H2BN1: variants seen among roughly 807,000 people sequenced by gnomAD.
H2BN1 encodes the protein H2B.N variant histone 1.
At chr17:32,896,046 C>T in the H2BN1 span, among the ~76,000 whole-genome samples, 101 of 139,378 alleles carry the variant, frequency 7.2e-4, no homozygotes, top group African/African-American at 2.4e-3. Context: ...TATAAGCCCA[C>T]GCCACCATGC....
the H2BN1 span, among the ~76,000 whole-genome samples, chr17:32,897,799 C>G: frequency 6.6e-6 from 1 of 152,070 alleles, no homozygotes. Context: ...GTTTTCCAGC[C>G]TGGCTGAAGA....
At chr17:32,897,346 C>T in the H2BN1 span, among the ~76,000 whole-genome samples, 1 of 132,688 alleles carries the variant, frequency 7.5e-6, no homozygotes, top group Non-Finnish European at 1.6e-5. Flanking sequence ...TCCCTCCCCT[C>T]TCTCTCTGTC....
chr17:32,899,155 A>C, the H2BN1 span, among the ~76,000 whole-genome samples: 1 of 152,234 alleles, frequency 6.6e-6, no homozygotes, highest in South Asian at 2.1e-4. Context: ...AAGACAAATC[A>C]TGGTAGGACT....
the H2BN1 span, chr17:32,906,430 G>C: frequency 1.3e-5 from 2 of 152,186 alleles, no homozygotes; most frequent in Non-Finnish European, 1.5e-5. Flanking sequence ...CAAAAAACTA[G>C]ATGTGTTGGA....
At chr17:32,902,101 GC>G in the H2BN1 span, among the ~76,000 whole-genome samples, 1 of 144,294 alleles carries the variant, frequency 6.9e-6, no homozygotes, top group African/African-American at 2.6e-5. Context: ...TTCTCTTTAC[GC>G]TTTCTTACCG....
the H2BN1 span, among the ~76,000 whole-genome samples, chr17:32,904,292 T>C: frequency 2.0e-5 from 3 of 152,208 alleles, no homozygotes; most frequent in Non-Finnish European, 2.9e-5. Flanking sequence ...CAAGCCGAAT[T>C]GAGATTACTT....
the H2BN1 span, among the ~76,000 whole-genome samples, chr17:32,905,142 G>C: frequency 6.6e-6 from 1 of 152,192 alleles, no homozygotes; most frequent in Non-Finnish European, 1.5e-5. Flanking sequence ...CCTGCCGAGA[G>C]TGAGCTCAAA....
At chr17:32,897,284 G>T in the H2BN1 span, among the ~76,000 whole-genome samples, 1 of 150,642 alleles carries the variant, frequency 6.6e-6, no homozygotes, top group African/African-American at 2.4e-5. Flanking sequence ...CTCACCTCAA[G>T]CCTCCCTCTC....
At chr17:32,899,011 A>G in the H2BN1 span, among the ~76,000 whole-genome samples, 1 of 152,240 alleles carries the variant, frequency 6.6e-6, no homozygotes, top group African/African-American at 2.4e-5. Flanking sequence ...TGTAGCCAAG[A>G]AAAATTAGAA....
the H2BN1 span, chr17:32,906,332 C>T: frequency 6.6e-6 from 1 of 152,220 alleles, no homozygotes; most frequent in Admixed American, 6.5e-5. Flanking sequence ...CAGAGAGATC[C>T]TTGGCGCAGT....
the H2BN1 span, among the ~76,000 whole-genome samples, chr17:32,898,693 T>C: frequency 6.6e-6 from 1 of 152,310 alleles, no homozygotes; most frequent in South Asian, 2.1e-4. Flanking sequence ...CTAGGAAAGT[T>C]CATTTTTAGT....
At chr17:32,896,400 G>A in the H2BN1 span, among the ~76,000 whole-genome samples, 5 of 152,110 alleles carry the variant, frequency 3.3e-5, no homozygotes, top group South Asian at 1.0e-3. Context: ...TCACCCCGTG[G>A]CATAAGAAAT....
the H2BN1 span, among the ~76,000 whole-genome samples, chr17:32,903,245 A>G: frequency 6.6e-6 from 1 of 151,840 alleles, no homozygotes; most frequent in Non-Finnish European, 1.5e-5. Context: ...TAGGCATGCC[A>G]GTGGAAGTAC....
At chr17:32,897,470 G>C in the H2BN1 span, among the ~76,000 whole-genome samples, 832 of 152,254 alleles carry the variant, frequency 5.5e-3, 6 homozygotes, top group East Asian at 0.017. Flanking sequence ...GCTAGGATTA[G>C]AGCGTTGGGT....
At chr17:32,904,783 A>T in the H2BN1 span, among the ~76,000 whole-genome samples, 9 of 152,038 alleles carry the variant, frequency 5.9e-5, no homozygotes, top group South Asian at 1.7e-3. Flanking sequence ...TTAAGACAGG[A>T]AGTAAACACA....
chr17:32,904,752 T>G, the H2BN1 span, among the ~76,000 whole-genome samples: 3 of 150,590 alleles, frequency 2.0e-5, no homozygotes, highest in Admixed American at 6.6e-5. Context: ...GAAAAGTAAA[T>G]GAAAGAACTT....
At chr17:32,898,057 C>T in the H2BN1 span, among the ~76,000 whole-genome samples, 1 of 152,186 alleles carries the variant, frequency 6.6e-6, no homozygotes, top group Non-Finnish European at 1.5e-5. Flanking sequence ...ATTCCCGTCC[C>T]TCTCTTCTTT....
chr17:32,899,790 GA>G, the H2BN1 span, among the ~76,000 whole-genome samples: 1 of 152,016 alleles, frequency 6.6e-6, no homozygotes, highest in East Asian at 1.9e-4. Flanking sequence ...CCTTGACTAT[GA>G]AAAAAACAAA....
chr17:32,903,393 T>C, the H2BN1 span, among the ~76,000 whole-genome samples: 3 of 152,244 alleles, frequency 2.0e-5, no homozygotes, highest in East Asian at 5.8e-4. Context: ...CGGGTAAAAA[T>C]CTAATGGCAA....
Sources: gnomAD v4.1 joint callset for allele counts (sites outside exome capture counted in the v4.1 genomes callset) on GRCh38, gnomAD v4.1.1 for gene constraint, MANE v1.5 for transcripts, NCBI Gene and HGNC (gene_info 2026-07-23, HGNC 2026-07-21) for gene names.